The following DACH2 variants were observed in gnomAD, a reference collection of about 807,000 sequenced individuals.
The protein encoded by DACH2 is dachshund homolog 2.
A neutral mutation model predicts 35.8 loss-of-function variants in DACH2; 17 were observed. That is an observed-to-expected ratio of 0.48 (90% CI 0.33 to 0.71). DACH2 has a LOEUF of 0.71. Ranked by LOEUF, DACH2 falls within the 30% of genes least tolerant of loss-of-function variation. DACH2 has a pLI of 0.02. For missense variants in DACH2, 469 were observed against 472.7 expected (o/e 0.99, Z 0.07); for synonymous variants, 195 against 177.3 (o/e 1.10, Z -0.79).
chrX:86,667,545 G>GAAAGAAAGAAAGAAAGAAGAAAGA, intron 4 of DACH2, among the ~76,000 whole-genome samples: 1 of 31,360 alleles, frequency 3.2e-5, no homozygotes, highest in Non-Finnish European at 5.6e-5. Context: ...AAGAAAGAAA[G>GAAAGAAAGAAAGAAAGAAGAAAGA]AAGAAAGAAA....
At chrX:86,181,175 T>TCTATCTATCTAC (rs2031479185) in intron 1 of DACH2, among the ~76,000 whole-genome samples, 1 of 109,182 alleles carries the variant, frequency 9.2e-6, no homozygotes, top group Non-Finnish European at 1.9e-5. Flanking sequence ...TATCTATCTA[T>TCTATCTATCTAC]CTATCTATCT....
intron 1 of DACH2, among the ~76,000 whole-genome samples, chrX:86,303,799 TA>T (rs1223128337): frequency 9.0e-6 from 1 of 110,534 alleles, no homozygotes; most frequent in Non-Finnish European, 1.9e-5. Flanking sequence ...TTTCATCTAT[TA>T]AAAATAATAA....
rs1049149941 is a variant in DACH2 at position 86,304,098 on chromosome X, G to C, written c.489-72726G>C. On this transcript the variant is annotated intron_variant, in intron 1 of 11. Coordinates refer to ENST00000373125, the MANE Select transcript of DACH2 (RefSeq NM_053281.3). ...ATGCATTTACGGCCAACTGATTTTT[G>C]TGCCAAGAACACACAATGGGGGAAA... 2.7e-5 allele frequency among the ~76,000 whole-genome samples: 3 copies of C among 111,962 alleles called. No individual in the cohort carries two copies. The South Asian group carries it at 1.1e-3, about 41-fold the overall frequency.
intron 1 of DACH2, among the ~76,000 whole-genome samples, chrX:86,196,632 G>T (rs1357309873): frequency 3.4e-5 from 3 of 88,149 alleles, no homozygotes; most frequent in Non-Finnish European, 4.2e-5. Context: ...GGTGGAGCTT[G>T]CAGTGAGCCG....
At chrX:86,645,539 G>C (rs951216461) in intron 3 of DACH2, among the ~76,000 whole-genome samples, 3 of 110,482 alleles carry the variant, frequency 2.7e-5, no homozygotes, top group African/African-American at 9.9e-5. Context: ...ACCCAGCAAT[G>C]CTATTACTGG....
At chrX:86,159,313 A>G (rs140055854) in intron 1 of DACH2, among the ~76,000 whole-genome samples, 2,008 of 111,588 alleles carry the variant, frequency 0.018, 52 homozygotes, top group African/African-American at 0.062. Flanking sequence ...AATATGTTAT[A>G]TTTAAATGTA....
At chrX:86,277,578 G>A (rs2033941654) in intron 1 of DACH2, among the ~76,000 whole-genome samples, 2 of 112,345 alleles carry the variant, frequency 1.8e-5, no homozygotes, top group South Asian at 7.3e-4. Context: ...AGTTAAAAAT[G>A]GGTTGTAAGG....
intron 1 of DACH2, among the ~76,000 whole-genome samples, chrX:86,186,409 A>G (rs1423627134): frequency 8.9e-6 from 1 of 112,376 alleles, no homozygotes; most frequent in East Asian, 2.8e-4. Flanking sequence ...TTTGAAAGTC[A>G]CTTATTTATT....
chrX:86,259,371 A>G (rs966163182), intron 1 of DACH2, among the ~76,000 whole-genome samples: 3 of 111,776 alleles, frequency 2.7e-5, no homozygotes, highest in African/African-American at 9.7e-5. Flanking sequence ...CACAATTTAC[A>G]TATTAATTCC....
At chrX:86,639,012 T>A (rs1026536409) in intron 3 of DACH2, among the ~76,000 whole-genome samples, 1 of 112,130 alleles carries the variant, frequency 8.9e-6, no homozygotes, top group Non-Finnish European at 1.9e-5. Flanking sequence ...TCCACCTAAA[T>A]GTCCATCAAT....
At chrX:86,198,334 C>G (rs242834) in intron 1 of DACH2, among the ~76,000 whole-genome samples, 7,626 of 111,064 alleles carry the variant, frequency 0.069, 628 homozygotes, top group African/African-American at 0.24. Context: ...ATGTAACAAC[C>G]TAACATAGCA....
chrX:86,334,438 A>G (rs2035267119), intron 1 of DACH2, among the ~76,000 whole-genome samples: 1 of 111,798 alleles, frequency 8.9e-6, no homozygotes, highest in Non-Finnish European at 1.9e-5. Flanking sequence ...CTTACTTTTT[A>G]ATGATCACCA....
At chrX:86,757,702 T>G (rs751051083) in intron 7 of DACH2, among the ~76,000 whole-genome samples, 1 of 111,492 alleles carries the variant, frequency 9.0e-6, no homozygotes, top group African/African-American at 3.3e-5. Context: ...TTTAAAAGTG[T>G]GTAGCATTTC....
At chrX:86,801,510 C>T (rs2042294252) in intron 7 of DACH2, among the ~76,000 whole-genome samples, 1 of 112,243 alleles carries the variant, frequency 8.9e-6, no homozygotes, top group Non-Finnish European at 1.9e-5. Context: ...CTAATGAAAA[C>T]AGAACTGTCT....
chrX:86,264,947 T>A (rs2033686218), intron 1 of DACH2, among the ~76,000 whole-genome samples: 1 of 111,062 alleles, frequency 9.0e-6, no homozygotes, highest in African/African-American at 3.3e-5. Flanking sequence ...TTTGCTGAAG[T>A]ACAAACCTAG....
chrX:86,431,833 T>G (rs1343457043), intron 2 of DACH2, among the ~76,000 whole-genome samples: 2 of 111,797 alleles, frequency 1.8e-5, no homozygotes, highest in African/African-American at 6.5e-5. Context: ...TGATGTTATA[T>G]TCTTCTTTAA....
intron 1 of DACH2, among the ~76,000 whole-genome samples, chrX:86,184,612 A>G (rs1218378133): frequency 8.9e-6 from 1 of 112,106 alleles, no homozygotes; most frequent in East Asian, 2.8e-4. Flanking sequence ...ATGGTGATAG[A>G]ACTTGATATA....
chrX:86,366,561 T>G (rs1347517256), intron 1 of DACH2, among the ~76,000 whole-genome samples: 1 of 111,183 alleles, frequency 9.0e-6, no homozygotes, highest in Non-Finnish European at 1.9e-5. Context: ...ATTGTATCAT[T>G]CCTAATAACC....
At chrX:86,163,652 A>G (rs2030844062) in intron 1 of DACH2, among the ~76,000 whole-genome samples, 1 of 110,920 alleles carries the variant, frequency 9.0e-6, no homozygotes, top group African/African-American at 3.3e-5. Context: ...AGTTCTCATC[A>G]TTTAGCTCCT....
Sources: gnomAD v4.1 joint callset for allele counts (sites outside exome capture counted in the v4.1 genomes callset) on GRCh38, gnomAD v4.1.1 for gene constraint, MANE v1.5 for transcripts, NCBI Gene and HGNC (gene_info 2026-07-23, HGNC 2026-07-21) for gene names.